The following ZDHHC20 variants were observed in gnomAD, a reference collection of about 807,000 sequenced individuals.
The protein encoded by ZDHHC20 is palmitoyltransferase ZDHHC20.
In ZDHHC20, 43 loss-of-function variants were observed where a neutral mutation model predicts 57.8. That is an observed-to-expected ratio of 0.74 (90% confidence interval 0.58 to 0.96). ZDHHC20 has a LOEUF of 0.96. Ranked by LOEUF, ZDHHC20 falls within the 40% of genes least tolerant of loss-of-function variation. The probability of loss-of-function intolerance (pLI) is 0.00; values close to 1 mark genes in which losing one functional copy is unlikely to be tolerated. For synonymous variants in ZDHHC20, 157 were observed against 153.0 expected (o/e 1.03, Z -0.19); for missense variants, 391 against 441.1 (o/e 0.89, Z 1.02).
intron 1 of ZDHHC20, among the ~76,000 whole-genome samples, chr13:21,456,765 G>C (rs982372104): frequency 6.6e-6 from 1 of 152,182 alleles, no homozygotes; most frequent in South Asian, 2.1e-4. Context: ...CATAGTTATA[G>C]AATGTTTTAA....
At chr13:21,446,757 C>T (rs1055596626) in intron 1 of ZDHHC20, among the ~76,000 whole-genome samples, 2 of 152,090 alleles carry the variant, frequency 1.3e-5, no homozygotes, top group African/African-American at 4.8e-5. Context: ...ACAGGAATAG[C>T]GTCAGGTATT....
At chr13:21,419,190 G>T (rs965122934) in intron 3 of ZDHHC20, among the ~76,000 whole-genome samples, 3 of 152,146 alleles carry the variant, frequency 2.0e-5, no homozygotes, top group Non-Finnish European at 4.4e-5. Flanking sequence ...TTTAAGGGTT[G>T]ACTAATTAGT....
chr13:21,451,944 A>T, intron 1 of ZDHHC20, among the ~76,000 whole-genome samples: 1 of 151,636 alleles, frequency 6.6e-6, no homozygotes. Flanking sequence ...CAATGAGCCG[A>T]GATCACACTA....
chr13:21,399,766 C>T (rs1877349014), intron 7 of ZDHHC20, among the ~76,000 whole-genome samples: 1 of 152,062 alleles, frequency 6.6e-6, no homozygotes, highest in African/African-American at 2.4e-5. Flanking sequence ...ATACTATATG[C>T]ATTCTTCCGT....
At chr13:21,396,296 A>G (rs1876777664) in intron 7 of ZDHHC20, among the ~76,000 whole-genome samples, 1 of 152,162 alleles carries the variant, frequency 6.6e-6, no homozygotes, top group African/African-American at 2.4e-5. Flanking sequence ...AACACCTTCA[A>G]AAGGTTTTTA....
rs1244076021 is a variant in ZDHHC20, at chr13:21,373,549, C to T, written c.*3147G>A. ...TAAAATAACGAATGTACTGCAGCTG[C>T]TCTTTGGTTTGGCATAGTTTCAGGT... On this transcript the variant is annotated 3_prime_UTR_variant, in exon 13 of 13. Transcript: ENST00000400590. 1.3e-5 allele frequency: 2 copies of T among 152,204 alleles called. No homozygotes were observed. The highest frequency in any genetic ancestry group is 2.4e-5 in the African/African-American group (1 of 41,456). 9.4% of individuals were successfully genotyped at this position (152,204 alleles called of 1,614,324 possible). A position where few individuals can be genotyped will look rare whatever the true frequency, so the allele number is the denominator to read the frequency against.
intron 6 of ZDHHC20, 120 bp downstream of exon 6, chr13:21,401,533 G>A (rs1877622819): frequency 1.2e-6 from 1 of 824,198 alleles, no homozygotes; most frequent in Non-Finnish European, 1.9e-6. Flanking sequence ...ATGCATATAT[G>A]TAAAGAGATC....
chr13:21,396,424 G>C (rs1308179367), intron 7 of ZDHHC20, among the ~76,000 whole-genome samples: 1 of 152,072 alleles, frequency 6.6e-6, no homozygotes, highest in Non-Finnish European at 1.5e-5. Context: ...GACAATATCT[G>C]TATAAATTTA....
chr13:21,410,194 G>C (rs2077458380), intron 4 of ZDHHC20, among the ~76,000 whole-genome samples: 1 of 152,154 alleles, frequency 6.6e-6, no homozygotes. Context: ...GACCCTGTTT[G>C]CCTGGGTATC....
chr13:21,386,607 G>A (rs868097515), intron 9 of ZDHHC20, among the ~76,000 whole-genome samples: 50 of 152,198 alleles, frequency 3.3e-4, no homozygotes, highest in South Asian at 2.1e-4. Context: ...GCAATGTGTT[G>A]GCACCATCTC....
intron 11 of ZDHHC20, among the ~76,000 whole-genome samples, chr13:21,379,940 C>T (rs1173160602): frequency 6.6e-6 from 1 of 151,422 alleles, no homozygotes; most frequent in East Asian, 1.9e-4. Flanking sequence ...CTCAGCCTCC[C>T]GAGTAGCTGG....
intron 1 of ZDHHC20, among the ~76,000 whole-genome samples, chr13:21,442,776 T>A (rs1883312226): frequency 1.3e-5 from 2 of 152,256 alleles, no homozygotes; most frequent in South Asian, 4.1e-4. Context: ...CAAAAAACTT[T>A]TGACTTGCAG....
chr13:21,413,463 GATT>G (rs1879507506), intron 4 of ZDHHC20, among the ~76,000 whole-genome samples, 186 bp downstream of exon 4: 1 of 149,264 alleles, frequency 6.7e-6, no homozygotes, highest in African/African-American at 2.5e-5. Context: ...AATTTATATT[GATT>G]ATTATTTTTA....
intron 1 of ZDHHC20, among the ~76,000 whole-genome samples, chr13:21,448,083 C>T (rs1420424523): frequency 6.6e-5 from 9 of 136,090 alleles, no homozygotes; most frequent in South Asian, 2.4e-4. Context: ...CCCCTCCGCC[C>T]GGCAGCCGCC....
chr13:21,441,693 C>G (rs9509710), intron 1 of ZDHHC20, among the ~76,000 whole-genome samples: 2 of 151,522 alleles, frequency 1.3e-5, no homozygotes, highest in Non-Finnish European at 2.9e-5. Context: ...TGAGCCACCA[C>G]GCCCAGCCCT....
At chr13:21,387,197 A>G (rs1225449464) in intron 9 of ZDHHC20, among the ~76,000 whole-genome samples, 1 of 152,206 alleles carries the variant, frequency 6.6e-6, no homozygotes, top group Non-Finnish European at 1.5e-5. Flanking sequence ...GTTGTGGCTA[A>G]TAACTATAAA....
Position 21,376,593 on chromosome 13 carries a change from T to C in ZDHHC20, c.*103A>G, listed in dbSNP as rs1207238577. On this transcript the variant is annotated 3_prime_UTR_variant, in exon 13 of 13. Transcript: ENST00000400590. ...CTTCTGTTATACTTCAGTTATTTCA[T>C]TCCACTGATCATTTTCTTGCAAATG... The C allele has an allele frequency of 2.3e-6, 3 of 1,307,084 alleles. No homozygotes were observed. The highest frequency in any genetic ancestry group is 1.5e-5 in the South Asian group (1 of 67,814). The allele number at this position is 1,307,084 out of a possible 1,614,324, so 81.0% of individuals were successfully genotyped here.
intron 7 of ZDHHC20, among the ~76,000 whole-genome samples, chr13:21,393,366 TG>T (rs1211781632): frequency 3.3e-5 from 5 of 151,228 alleles, no homozygotes; most frequent in African/African-American, 1.2e-4. Context: ...CCGGGCATGG[TG>T]GTACACGCCT....
At chr13:21,405,534 T>C (rs34361511) in intron 4 of ZDHHC20, among the ~76,000 whole-genome samples, 38,357 of 152,084 alleles carry the variant, frequency 0.25, 5,739 homozygotes, top group South Asian at 0.33. Flanking sequence ...TCTGGGCCCT[T>C]GATTTTGGGT....
Sources: allele counts gnomAD v4.1 joint callset (sites outside exome capture counted in the v4.1 genomes callset), GRCh38; gene constraint gnomAD v4.1.1; transcripts MANE v1.5; gene names NCBI Gene and HGNC (gene_info 2026-07-23, HGNC 2026-07-21).